Variants in NCAPG2 observed in about 807,000 individuals in gnomAD.
NCAPG2 encodes the protein condensin-2 complex subunit G2.
A neutral mutation model predicts 141.1 loss-of-function variants in NCAPG2; 53 were observed. The ratio of observed to expected loss-of-function variants is 0.38; its 90% CI spans 0.30 to 0.47. The LOEUF (loss-of-function observed/expected upper bound fraction) is 0.47. Among genes scored for constraint, NCAPG2 ranks in the 20% least tolerant of loss-of-function variants. NCAPG2 has a pLI of 0.99. For synonymous variants in NCAPG2, 499 were observed against 490.7 expected, an observed-to-expected ratio of 1.02 and a Z score of -0.22; for missense variants, 1,087 against 1,389.0, an observed-to-expected ratio of 0.78 and a Z score of 3.46.
intron 26 of NCAPG2, 83 bp from the exon 27 acceptor site, chr7:158,644,471 T>C: frequency 1.7e-6 from 2 of 1,201,274 alleles, no homozygotes; most frequent in Non-Finnish European, 2.5e-6. Context: ...GTGGTACAAC[T>C]TCCCTAAGCT....
chr7:158,669,291 T>C (rs1222560723), intron 13 of NCAPG2, among the ~76,000 whole-genome samples: 9 of 152,214 alleles, frequency 5.9e-5, no homozygotes, highest in African/African-American at 1.9e-4. Context: ...TACCCAGTAA[T>C]GGGATTCCTG....
intron 27 of NCAPG2, among the ~76,000 whole-genome samples, chr7:158,636,993 G>A (rs1022831585): frequency 1.3e-5 from 2 of 151,648 alleles, no homozygotes; most frequent in African/African-American, 4.9e-5. Flanking sequence ...TGTCACCCAG[G>A]CTGGAATGCA....
At chr7:158,672,323 TATATA>T (rs1297478882) in intron 12 of NCAPG2, among the ~76,000 whole-genome samples, 3 of 67,244 alleles carry the variant, frequency 4.5e-5, no homozygotes, top group Non-Finnish European at 6.0e-5. Flanking sequence ...TATATATATA[TATATA>T]TTTTTTTTTT....
At chr7:158,674,705 T>C (rs1382338985) in intron 12 of NCAPG2, among the ~76,000 whole-genome samples, 3 of 152,228 alleles carry the variant, frequency 2.0e-5, no homozygotes, top group African/African-American at 7.2e-5. Flanking sequence ...GCTCTGAAAA[T>C]GTCTGTTTTG....
intron 24 of NCAPG2, among the ~76,000 whole-genome samples, chr7:158,649,039 G>C (rs148926845): frequency 6.6e-6 from 1 of 152,222 alleles, no homozygotes; most frequent in African/African-American, 2.4e-5. Context: ...CTACCCATGT[G>C]GGGGTGAGGT....
In NCAPG2 at chr7:158,671,532, T is replaced by C; in HGVS notation, c.1461A>G (p.Lys487=). The change falls in exon 13 of 28, where the codon AAA becomes AAG. Residue 487 remains lysine (K), a synonymous_variant. Coordinates refer to ENST00000356309, the MANE Select transcript of NCAPG2 (RefSeq NM_017760.7). Reference sequence around the variant, plus strand: ...ATCCTACCTTAGCAGCCCTCACAGCTTTGATCTTCAACAGCATGTCCACAA... The same window carrying C: ...ATCCTACCTTAGCAGCCCTCACAGCCTTGATCTTCAACAGCATGTCCACAA... The part of the protein sequence containing the change: ...VAFVDMLLKI[K]AVRAAKFWKI... 5 of 1,614,234 alleles carry C rather than the reference T, an allele frequency of 3.1e-6. No individual in the cohort carries two copies. Among genetic ancestry groups the C allele is most frequent in the African/African-American group, 1.3e-5 (1 of 75,076 alleles).
Position 158,645,546 on chromosome 7 carries a change from C to G in NCAPG2, c.3253G>C (p.Val1085Leu). ...IEGIVCLTAA[V>L]HIILVINAGK... is the part of the protein sequence containing the mutation. The stretch of plus-strand genomic sequence containing the variant: ...GCATTAATAACCAGGATAATATGCA[C>G]AGCAGCCGTGAGGCACACAATGCCT... Residue 1085 changes from valine to leucine, a missense_variant, in exon 26 of 28, where the codon GTG (valine) becomes CTG (leucine). Physicochemically the swap from Val to Leu is conservative, Grantham distance 32. Coordinates refer to ENST00000356309, the MANE Select transcript of NCAPG2 (RefSeq NM_017760.7). 6.2e-7 allele frequency: 1 copy of G among 1,614,224 alleles called. No individual in the cohort carries two copies. The highest frequency in any genetic ancestry group is 8.5e-7 in the Non-Finnish European group (1 of 1,180,040).
chr7:158,667,248 G>C, intron 13 of NCAPG2: 1 of 984,496 alleles, frequency 1.0e-6, no homozygotes, highest in Non-Finnish European at 1.2e-6. Context: ...ACTTCCTGGT[G>C]GGCCAGAGAC....
intron 24 of NCAPG2, among the ~76,000 whole-genome samples, chr7:158,648,859 CAACCACGGCAAATGGACTAT>C (rs1563505035): frequency 1.2e-4 from 11 of 95,108 alleles, no homozygotes; most frequent in African/African-American, 1.7e-4. Flanking sequence ...AAATGGACTA[CAACCACGGCAAATGGACTAT>C]AACCACGGCA....
At chr7:158,660,485 T>C (rs1832412463) in intron 16 of NCAPG2, among the ~76,000 whole-genome samples, 1 of 146,696 alleles carries the variant, frequency 6.8e-6, no homozygotes, top group Non-Finnish European at 1.5e-5. Flanking sequence ...AGTAGTATGA[T>C]CACAGTTCAC....
At chr7:158,644,813 C>T (rs1360703000) in intron 26 of NCAPG2, among the ~76,000 whole-genome samples, 1 of 152,174 alleles carries the variant, frequency 6.6e-6, no homozygotes, top group Non-Finnish European at 1.5e-5. Flanking sequence ...TTCTTATGCC[C>T]AACCTGGGTC....
chr7:158,674,731 G>C (rs991294861), intron 12 of NCAPG2, among the ~76,000 whole-genome samples: 1 of 152,252 alleles, frequency 6.6e-6, no homozygotes, highest in African/African-American at 2.4e-5. Flanking sequence ...GAGAGAAGAG[G>C]AAGTCACCTG....
chr7:158,662,974 A>G (rs1366258018), intron 15 of NCAPG2, among the ~76,000 whole-genome samples: 3 of 152,232 alleles, frequency 2.0e-5, no homozygotes, highest in African/African-American at 7.2e-5. Context: ...ACATATGCTG[A>G]TAGTGCACAG....
chr7:158,683,492 A>C lies in NCAPG2; in HGVS notation c.838-106T>G. 3 of 624,484 alleles carry C rather than the reference A, an allele frequency of 4.8e-6. No individual in the cohort carries two copies. The East Asian group carries it at 9.3e-5, about 19-fold the overall frequency. The allele number at this position is 624,484 out of a possible 1,614,324, so 38.7% of individuals were successfully genotyped here. A position where few individuals can be genotyped will look rare whatever the true frequency, so the allele number is the denominator to read the frequency against. ...ACAAAGAGTCTGACCTGTCCATCTT[A>C]TATTTCATGAGAAAAAAACCTGGAC... On this transcript the variant is annotated intron_variant, in intron 8 of 27. Transcript: ENST00000356309.
Position 158,692,916 on chromosome 7 carries a change from A to G in NCAPG2, c.308T>C (p.Ile103Thr). ...IEIIYAITSV[I>T]LASVSVINES... ...ATTTATTACAGACACAGAAGCAAGAATCACAGATGTAATTGCATAAATTAT... is the reference window on the plus strand; with the variant it reads ...ATTTATTACAGACACAGAAGCAAGAGTCACAGATGTAATTGCATAAATTAT... The change falls in exon 4 of 28, where the codon ATT (isoleucine) becomes ACT (threonine). Residue 103 changes from isoleucine to threonine, a missense_variant. Physicochemically the swap from Ile to Thr is moderately conservative, Grantham distance 89. Transcript: ENST00000356309. 6.3e-7 allele frequency: 1 copy of G among 1,593,082 alleles called. No homozygotes were observed.
intron 23 of NCAPG2, among the ~76,000 whole-genome samples, 173 bp downstream of exon 23, chr7:158,652,120 G>A (rs1831536232): frequency 6.6e-6 from 1 of 152,148 alleles, no homozygotes; most frequent in African/African-American, 2.4e-5. Context: ...CACCATGGGG[G>A]ACTCCCACAC....
In NCAPG2 at chr7:158,693,343, T is replaced by A; in HGVS notation, c.233A>T (p.Glu78Val). ...GCCATGTTCGGTTTCCATATTGTCT[T>A]CACCCTGGGCTTCCACTACCTGCCA... is the stretch of plus-strand genomic sequence containing the variant. ...DGWQVVEAQG[E>V]DNMETEHGSK... The change falls in exon 3 of 28, where the codon GAA (glutamate) becomes GTA (valine). Residue 78 changes from glutamate (E) to valine (V), a missense_variant. By Grantham distance (121) the Glu-to-Val change is moderately radical. Transcript: ENST00000356309. 1.9e-6 allele frequency: 3 copies of A among 1,614,016 alleles called. No individual in the cohort carries two copies. Among genetic ancestry groups the A allele is most frequent in the Non-Finnish European group, 2.5e-6 (3 of 1,179,984 alleles).
intron 13 of NCAPG2, among the ~76,000 whole-genome samples, chr7:158,666,249 G>A (rs1273831722): frequency 2.6e-5 from 4 of 152,176 alleles, no homozygotes; most frequent in Non-Finnish European, 5.9e-5. Flanking sequence ...CCTCCATCCT[G>A]AGCCCCTTCT....
At chr7:158,634,073 A>G (rs1411630771) in intron 27 of NCAPG2, among the ~76,000 whole-genome samples, 1 of 152,190 alleles carries the variant, frequency 6.6e-6, no homozygotes, top group Non-Finnish European at 1.5e-5. Context: ...CAAAAATAAT[A>G]TTGTCTCCTT....
Sources: gnomAD v4.1 joint callset for allele counts (sites outside exome capture counted in the v4.1 genomes callset) on GRCh38, gnomAD v4.1.1 for gene constraint, MANE v1.5 for transcripts, NCBI Gene and HGNC (gene_info 2026-07-23, HGNC 2026-07-21) for gene names.